SLC24A3: variants seen among roughly 807,000 people sequenced by gnomAD.
SLC24A3 encodes the protein solute carrier family 24 member 3, also known as sodium/potassium/calcium exchanger 3.
Under a neutral mutation model 75.8 loss-of-function variants are expected in SLC24A3, and 28 were observed. The observed-to-expected ratio is 0.37, with a 90% confidence interval of 0.27 to 0.51. SLC24A3 has a LOEUF of 0.51. SLC24A3 is among the 20% of genes least tolerant of loss of function. The probability of loss-of-function intolerance (pLI) is 0.94; values close to 1 mark genes in which losing one functional copy is unlikely to be tolerated. For missense variants in SLC24A3, 663 were observed against 847.8 expected, an observed-to-expected ratio of 0.78 and a Z score of 2.71; for synonymous variants, 372 against 334.1, an observed-to-expected ratio of 1.11 and a Z score of -1.24.
intron 12 of SLC24A3, among the ~76,000 whole-genome samples, chr20:19,691,957 C>G (rs2032750070): frequency 6.6e-6 from 1 of 152,098 alleles, no homozygotes; most frequent in Non-Finnish European, 1.5e-5. Flanking sequence ...AATGAGAAAC[C>G]CCTCTGCCTC....
At chr20:19,394,217 C>G (rs1986412474) in intron 2 of SLC24A3, among the ~76,000 whole-genome samples, 1 of 152,098 alleles carries the variant, frequency 6.6e-6, no homozygotes, top group Non-Finnish European at 1.5e-5. Context: ...CAAAATGAAT[C>G]AAAGACCTAA....
rs555572983 is a variant in SLC24A3 at position 19,303,587 on chromosome 20, T to TACTTTCC, written c.271+22503_271+22509dup. On this transcript the variant is annotated intron_variant, in intron 2 of 16. Transcript: ENST00000328041. ...TAATTTCTTTGAGGAATCACCATAC[T>TACTTTCC]ACTTTCCACCAATGGTCTTTCTCAC... Among the ~76,000 whole-genome samples the TACTTTCC allele has an allele frequency of 1.5e-3, 229 of 152,354 alleles. 1 individual carries two copies. The highest frequency in any genetic ancestry group is 5.3e-3 in the African/African-American group (222 of 41,588).
intron 2 of SLC24A3, among the ~76,000 whole-genome samples, chr20:19,306,538 A>T (rs563156232): frequency 1.3e-5 from 2 of 152,332 alleles, no homozygotes; most frequent in African/African-American, 4.8e-5. Context: ...GAATGAAATT[A>T]TGTTCTTTGC....
intron 2 of SLC24A3, among the ~76,000 whole-genome samples, chr20:19,472,484 C>T (rs1987891755): frequency 6.6e-6 from 1 of 152,228 alleles, no homozygotes; most frequent in South Asian, 2.1e-4. Context: ...GTGATGAGGA[C>T]ACTTCAGCTT....
intron 6 of SLC24A3, among the ~76,000 whole-genome samples, chr20:19,586,560 G>A (rs141787867): frequency 6.8e-4 from 104 of 152,274 alleles, no homozygotes; most frequent in African/African-American, 2.4e-3. Context: ...TCACCCCACA[G>A]CAGCGGCAAG....
chr20:19,441,594 A>G (rs1323306362), intron 2 of SLC24A3, among the ~76,000 whole-genome samples: 1 of 152,158 alleles, frequency 6.6e-6, no homozygotes, highest in Non-Finnish European at 1.5e-5. Flanking sequence ...CCCATCACTT[A>G]CCCATCTACC....
intron 7 of SLC24A3, among the ~76,000 whole-genome samples, chr20:19,663,632 TTC>T (rs968622250): frequency 2.6e-5 from 4 of 151,376 alleles, no homozygotes; most frequent in Non-Finnish European, 4.4e-5. Flanking sequence ...TCACCTGCAT[TTC>T]TCTTTCCCTG....
At chr20:19,342,713 T>A (rs1173803058) in intron 2 of SLC24A3, among the ~76,000 whole-genome samples, 1 of 152,216 alleles carries the variant, frequency 6.6e-6, no homozygotes, top group Non-Finnish European at 1.5e-5. Context: ...TTCTTCCAGA[T>A]GAAGGTGGCT....
At chr20:19,568,330 T>G (rs1315149045) in intron 3 of SLC24A3, among the ~76,000 whole-genome samples, 1 of 152,178 alleles carries the variant, frequency 6.6e-6, no homozygotes, top group African/African-American at 2.4e-5. Context: ...GAATATTGCA[T>G]CATTCACAAC....
intron 2 of SLC24A3, among the ~76,000 whole-genome samples, chr20:19,371,739 C>T (rs1205422378): frequency 6.6e-6 from 1 of 152,160 alleles, no homozygotes; most frequent in Non-Finnish European, 1.5e-5. Flanking sequence ...TCTGGACCAC[C>T]TGGCCATGTG....
chr20:19,505,261 G>T (rs1195604922), intron 2 of SLC24A3, among the ~76,000 whole-genome samples: 2 of 152,168 alleles, frequency 1.3e-5, no homozygotes, highest in Non-Finnish European at 2.9e-5. Flanking sequence ...AAGGAGCAAA[G>T]GCAGTTTCTC....
intron 2 of SLC24A3, among the ~76,000 whole-genome samples, chr20:19,390,572 C>T (rs1367969993): frequency 1.3e-5 from 2 of 151,834 alleles, no homozygotes; most frequent in Non-Finnish European, 2.9e-5. Context: ...CAGAGGTCTA[C>T]CCAGTGTGAT....
chr20:19,581,456 C>T (rs1358805280), intron 4 of SLC24A3, among the ~76,000 whole-genome samples: 1 of 152,142 alleles, frequency 6.6e-6, no homozygotes, highest in Non-Finnish European at 1.5e-5. Flanking sequence ...TGTGAATACC[C>T]ATGCCCTTGT....
At chr20:19,717,947 AAT>A (rs2033060647) in intron 16 of SLC24A3, among the ~76,000 whole-genome samples, 1 of 152,242 alleles carries the variant, frequency 6.6e-6, no homozygotes. Context: ...GAATTTGACT[AAT>A]ACTTGGAAAC....
chr20:19,383,572 G>A (rs541941140), intron 2 of SLC24A3, among the ~76,000 whole-genome samples: 1 of 152,146 alleles, frequency 6.6e-6, no homozygotes, highest in Non-Finnish European at 1.5e-5. Context: ...GAGGACTGAG[G>A]AATGTGGGGT....
At chr20:19,396,878 C>T (rs890256317) in intron 2 of SLC24A3, among the ~76,000 whole-genome samples, 3 of 152,172 alleles carry the variant, frequency 2.0e-5, no homozygotes, top group African/African-American at 7.2e-5. Flanking sequence ...ACTTGCCAAC[C>T]TCATGTGTGA....
chr20:19,681,873 A>G lies in SLC24A3; in HGVS notation c.783A>G (p.Ile261Met), dbSNP rs998540847. 19 of 1,614,044 alleles carry G rather than the reference A, an allele frequency of 1.2e-5. No homozygotes were observed. The highest frequency in any genetic ancestry group is 4.0e-5 in the African/African-American group (3 of 74,938). ...YIVIMKYNAC[I>M]HQCFERRTKG... is the part of the protein sequence containing the mutation. ...CTTTGCTCAGATATAACGCTTGCATACATCAGTGCTTTGAGAGGAGGACAA... is the reference window on the plus strand; with the variant it reads ...CTTTGCTCAGATATAACGCTTGCATGCATCAGTGCTTTGAGAGGAGGACAA... The change falls in exon 10 of 17, where the codon ATA becomes ATG. Residue 261 changes from isoleucine (I) to methionine (M), a missense_variant. By Grantham distance (10) the Ile-to-Met change is conservative. This residue lies in a region of SLC24A3 where 510 missense variants were observed against 703.6 expected (regional missense o/e 0.72). Transcript: ENST00000328041.
intron 2 of SLC24A3, among the ~76,000 whole-genome samples, chr20:19,306,641 G>A (rs1177475497): frequency 6.6e-6 from 1 of 152,076 alleles, no homozygotes. Flanking sequence ...GTAAGTGGGA[G>A]CTAAACATTG....
intron 3 of SLC24A3, among the ~76,000 whole-genome samples, chr20:19,556,270 T>C (rs2065532035): frequency 6.6e-6 from 1 of 152,144 alleles, no homozygotes; most frequent in Non-Finnish European, 1.5e-5. Flanking sequence ...CTGTTTCTCA[T>C]CTCCTTCTCT....
Sources: allele counts gnomAD v4.1 joint callset (sites outside exome capture counted in the v4.1 genomes callset), GRCh38; gene constraint gnomAD v4.1.1; regional missense constraint gnomAD v4.1.1; transcripts MANE v1.5; gene names NCBI Gene and HGNC (gene_info 2026-07-23, HGNC 2026-07-21).